NCKAP5: variants seen among roughly 807,000 people sequenced by gnomAD.
The protein encoded by NCKAP5 is nck-associated protein 5.
A neutral mutation model predicts 167.0 loss-of-function variants in NCKAP5; 92 were observed. That is an observed-to-expected ratio of 0.55 (90% confidence interval 0.47 to 0.66). The LOEUF (loss-of-function observed/expected upper bound fraction) is 0.66. Among genes scored for constraint, NCKAP5 ranks in the 30% least tolerant of loss-of-function variants. The pLI, the probability that NCKAP5 is intolerant of heterozygous loss-of-function variation, is 0.00. For synonymous variants in NCKAP5, 891 were observed against 877.4 expected (o/e 1.02, Z -0.27); for missense variants, 2,378 against 2,315.0 (o/e 1.03, Z -0.56).
intron 6 of NCKAP5, among the ~76,000 whole-genome samples, chr2:133,055,217 C>T (rs1254936150): frequency 6.6e-6 from 1 of 151,536 alleles, no homozygotes; most frequent in Admixed American, 6.6e-5. Flanking sequence ...GTCCAATCAG[C>T]CAAAAAGGAA....
chr2:133,007,749 A>G (rs2078016999), intron 6 of NCKAP5, among the ~76,000 whole-genome samples: 1 of 152,200 alleles, frequency 6.6e-6, no homozygotes, highest in African/African-American at 2.4e-5. Flanking sequence ...GGTTTGGATG[A>G]TAAAGATTAT....
chr2:133,024,013 T>G (rs555540551), intron 6 of NCKAP5, among the ~76,000 whole-genome samples: 4 of 152,298 alleles, frequency 2.6e-5, no homozygotes, highest in African/African-American at 9.6e-5. Flanking sequence ...GAGATATGTA[T>G]GTATGTCTTA....
At chr2:132,750,321 A>G (rs1467932991) in intron 16 of NCKAP5, among the ~76,000 whole-genome samples, 1 of 152,182 alleles carries the variant, frequency 6.6e-6, no homozygotes, top group African/African-American at 2.4e-5. Flanking sequence ...AAAAATTCAA[A>G]AGATGGTATC....
At chr2:133,009,945 C>T in intron 6 of NCKAP5, among the ~76,000 whole-genome samples, 1 of 151,986 alleles carries the variant, frequency 6.6e-6, no homozygotes, top group Admixed American at 6.6e-5. Context: ...GTGGCGGGTG[C>T]CTGTAGTCCC....
intron 3 of NCKAP5, among the ~76,000 whole-genome samples, chr2:133,505,822 A>G (rs769795244): frequency 6.6e-6 from 1 of 152,194 alleles, no homozygotes; most frequent in African/African-American, 2.4e-5. Context: ...TGAGGCTGCC[A>G]CTGCTACTTC....
intron 5 of NCKAP5, among the ~76,000 whole-genome samples, chr2:133,131,982 C>G (rs563504594): frequency 6.6e-6 from 1 of 151,308 alleles, no homozygotes; most frequent in Admixed American, 6.6e-5. Flanking sequence ...AAAAAATGTA[C>G]GCTAAATAGT....
chr2:133,355,603 T>G (rs1051552819), intron 3 of NCKAP5, among the ~76,000 whole-genome samples: 8 of 152,162 alleles, frequency 5.3e-5, no homozygotes, highest in Non-Finnish European at 1.2e-4. Context: ...GCCAACCTTT[T>G]TTTTTTCTTT....
intron 6 of NCKAP5, among the ~76,000 whole-genome samples, chr2:133,076,937 C>T (rs2080625371): frequency 6.6e-6 from 1 of 152,172 alleles, no homozygotes; most frequent in Admixed American, 6.5e-5. Context: ...AAGCTACACT[C>T]ACTGTCATTC....
chr2:133,652,404 C>T, the NCKAP5 span, among the ~76,000 whole-genome samples: 1 of 152,130 alleles, frequency 6.6e-6, no homozygotes, highest in Non-Finnish European at 1.5e-5. Context: ...AATGTAGTCA[C>T]GTACATAAAT....
intron 2 of NCKAP5, among the ~76,000 whole-genome samples, chr2:133,551,334 C>T (rs1226514977): frequency 6.8e-6 from 1 of 147,486 alleles, no homozygotes; most frequent in Non-Finnish European, 1.5e-5. Flanking sequence ...CACTACCTGA[C>T]TTCAAACTAT....
At chr2:132,865,390 A>T (rs1009300639) in intron 10 of NCKAP5, among the ~76,000 whole-genome samples, 1 of 152,156 alleles carries the variant, frequency 6.6e-6, no homozygotes. Context: ...AAGCTAGTTG[A>T]CAATCTCAGG....
intron 16 of NCKAP5, among the ~76,000 whole-genome samples, chr2:132,750,101 T>C (rs546936790): frequency 1.3e-5 from 2 of 152,328 alleles, no homozygotes; most frequent in East Asian, 3.9e-4. Context: ...CATTTCTGTT[T>C]AGGGTGCATT....
chr2:132,806,255 C>T (rs891187645), intron 11 of NCKAP5, among the ~76,000 whole-genome samples: 13 of 152,090 alleles, frequency 8.5e-5, no homozygotes, highest in South Asian at 6.2e-4. Context: ...GTATCTTTTT[C>T]GAATAATGAT....
At chr2:132,695,770 A>G (rs1687248985) in intron 19 of NCKAP5, among the ~76,000 whole-genome samples, 1 of 152,060 alleles carries the variant, frequency 6.6e-6, no homozygotes, top group Non-Finnish European at 1.5e-5. Flanking sequence ...CATCACCCAT[A>G]TTTGCATTTC....
intron 8 of NCKAP5, among the ~76,000 whole-genome samples, chr2:132,941,625 C>G (rs540019316): frequency 6.6e-6 from 1 of 152,262 alleles, no homozygotes; most frequent in African/African-American, 2.4e-5. Context: ...AAGATGATTC[C>G]TGGTCTCATG....
At chr2:133,579,887 T>C in the NCKAP5 span, among the ~76,000 whole-genome samples, 1 of 152,226 alleles carries the variant, frequency 6.6e-6, no homozygotes, top group African/African-American at 2.4e-5. Context: ...CTCCCCATTA[T>C]AGTTCTGCAA....
chr2:133,334,388 A>T (rs1054835903), intron 3 of NCKAP5, among the ~76,000 whole-genome samples: 3 of 152,190 alleles, frequency 2.0e-5, no homozygotes, highest in Admixed American at 1.3e-4. Flanking sequence ...GCCATGCGAC[A>T]GATGCTAGCT....
At chr2:133,334,289 A>C (rs1683068154) in intron 3 of NCKAP5, among the ~76,000 whole-genome samples, 2 of 152,122 alleles carry the variant, frequency 1.3e-5, no homozygotes, top group Non-Finnish European at 2.9e-5. Context: ...GAATACATAT[A>C]AAGCTGGCAC....
chr2:132,864,443 G>C (rs1326805183), intron 10 of NCKAP5, among the ~76,000 whole-genome samples: 3 of 152,126 alleles, frequency 2.0e-5, no homozygotes, highest in African/African-American at 7.2e-5. Context: ...ATTGGAAACA[G>C]AGACTTAAGA....
Sources: gnomAD v4.1 joint callset for allele counts (sites outside exome capture counted in the v4.1 genomes callset) on GRCh38, gnomAD v4.1.1 for gene constraint, MANE v1.5 for transcripts, NCBI Gene and HGNC (gene_info 2026-07-23, HGNC 2026-07-21) for gene names.